CTTNBP2NL: variants seen among roughly 807,000 people sequenced by gnomAD.
CTTNBP2NL encodes CTTNBP2 N-terminal like.
In CTTNBP2NL, 16 loss-of-function variants were observed where a neutral mutation model predicts 32.5. The observed-to-expected ratio is 0.49, with a 90% CI of 0.33 to 0.75. CTTNBP2NL has a LOEUF of 0.75. CTTNBP2NL is among the 30% of genes least tolerant of loss of function. The pLI, the probability that CTTNBP2NL is intolerant of heterozygous loss-of-function variation, is 0.02. For synonymous variants in CTTNBP2NL, 298 were observed against 289.4 expected, an observed-to-expected ratio of 1.03 and a Z score of -0.30; for missense variants, 645 against 756.0, an observed-to-expected ratio of 0.85 and a Z score of 1.72.
chr1:112,404,980 G>A (rs1375833908), intron 1 of CTTNBP2NL, among the ~76,000 whole-genome samples: 1 of 146,352 alleles, frequency 6.8e-6, no homozygotes, highest in Admixed American at 6.9e-5. Context: ...GAACCAGGAG[G>A]CGGAGGTTGC....
rs759162317 is a variant in CTTNBP2NL at position 112,454,570 on chromosome 1, A to C, written c.438+14A>C. 1 of 1,531,368 alleles carries C rather than the reference A, an allele frequency of 6.5e-7. No homozygotes were observed. 94.9% of individuals were successfully genotyped at this position (1,531,368 alleles called of 1,614,324 possible). A position where few individuals can be genotyped will look rare whatever the true frequency, so the allele number is the denominator to read the frequency against. ...CTGACTCAACAGGTAATTAAGGTAG[A>C]GGGATTCACAGTAGCATTTGCCTGG... On this transcript the variant is annotated intron_variant, in intron 5 of 5. Transcript: ENST00000271277.
At chr1:112,445,297 A>C (rs1160033618) in intron 3 of CTTNBP2NL, among the ~76,000 whole-genome samples, 1 of 152,112 alleles carries the variant, frequency 6.6e-6, no homozygotes, top group Non-Finnish European at 1.5e-5. Context: ...TAGGCTGCCT[A>C]CTTTGGGGGT....
chr1:112,416,104 G>A, intron 2 of CTTNBP2NL, 53 bp from the exon 3 acceptor site: 1 of 909,504 alleles, frequency 1.1e-6, no homozygotes, highest in Non-Finnish European at 1.8e-6. Flanking sequence ...TTCTTTAATT[G>A]TATCAAATTA....
chr1:112,447,144 G>A (rs948543615), intron 3 of CTTNBP2NL, among the ~76,000 whole-genome samples: 11 of 151,818 alleles, frequency 7.2e-5, no homozygotes, highest in African/African-American at 2.7e-4. Flanking sequence ...CGTGGTGGTG[G>A]GCACCTGTAG....
intron 4 of CTTNBP2NL, among the ~76,000 whole-genome samples, 176 bp downstream of exon 4, chr1:112,449,348 G>A (rs1273186439): frequency 1.6e-5 from 1 of 63,014 alleles, no homozygotes; most frequent in Non-Finnish European, 4.4e-5. Context: ...ACAGCTTATT[G>A]CAAATGTTAA....
At chr1:112,445,366 A>C (rs897221663) in intron 3 of CTTNBP2NL, among the ~76,000 whole-genome samples, 5 of 151,966 alleles carry the variant, frequency 3.3e-5, no homozygotes, top group Non-Finnish European at 5.9e-5. Context: ...TTCATTCTTC[A>C]AATCTTAATA....
intron 3 of CTTNBP2NL, among the ~76,000 whole-genome samples, chr1:112,430,675 T>C (rs914582821): frequency 2.7e-5 from 4 of 149,718 alleles, no homozygotes; most frequent in Non-Finnish European, 1.5e-5. Flanking sequence ...CGCCTCAGCC[T>C]CCCGAATAGC....
intron 3 of CTTNBP2NL, among the ~76,000 whole-genome samples, chr1:112,419,989 C>G (rs1023557711): frequency 3.3e-5 from 5 of 152,120 alleles, no homozygotes; most frequent in African/African-American, 1.2e-4. Context: ...TGTCTAGTTC[C>G]CAACTGGGAT....
rs186151786 is a variant in CTTNBP2NL at position 112,414,195 on chromosome 1, G to A, written c.-10+1878G>A. Among the ~76,000 whole-genome samples the A allele has an allele frequency of 9.9e-5, 15 of 152,068 alleles. No homozygotes were observed. The East Asian group carries it at 1.4e-3, about 14-fold the overall frequency. On this transcript the variant is annotated intron_variant, in intron 2 of 5. Coordinates refer to ENST00000271277, the MANE Select transcript of CTTNBP2NL (RefSeq NM_018704.3). Reference sequence around the variant, plus strand: ...AGCCTTGCCAACATGGTGAAACCCCGTCTCTACTAAAATACAAAAATTAGC... The same window carrying A: ...AGCCTTGCCAACATGGTGAAACCCCATCTCTACTAAAATACAAAAATTAGC...
intron 3 of CTTNBP2NL, among the ~76,000 whole-genome samples, chr1:112,423,166 A>G (rs1450343895): frequency 1.3e-5 from 2 of 151,914 alleles, no homozygotes; most frequent in East Asian, 3.9e-4. Flanking sequence ...TTGTTTTCTC[A>G]TTATTTAGTT....
At chr1:112,431,382 A>G (rs534276364) in intron 3 of CTTNBP2NL, among the ~76,000 whole-genome samples, 2 of 152,356 alleles carry the variant, frequency 1.3e-5, no homozygotes, top group South Asian at 4.1e-4. Flanking sequence ...AAACTAAAAC[A>G]TATCATTTAG....
At chr1:112,447,371 A>G (rs1650083272) in intron 3 of CTTNBP2NL, among the ~76,000 whole-genome samples, 2 of 151,806 alleles carry the variant, frequency 1.3e-5, no homozygotes, top group Non-Finnish European at 2.9e-5. Context: ...ACAACACACC[A>G]TAAGGCTAGA....
intron 3 of CTTNBP2NL, among the ~76,000 whole-genome samples, chr1:112,438,094 T>C (rs1383314642): frequency 6.6e-6 from 1 of 152,234 alleles, no homozygotes; most frequent in Non-Finnish European, 1.5e-5. Flanking sequence ...GGGTTTTACA[T>C]TTAAGTCTGT....
At chr1:112,406,756 A>G (rs531195256) in intron 1 of CTTNBP2NL, among the ~76,000 whole-genome samples, 1 of 152,358 alleles carries the variant, frequency 6.6e-6, no homozygotes, top group Non-Finnish European at 1.5e-5. Flanking sequence ...CTGATAGTAT[A>G]TCATAATTAA....
chr1:112,433,076 A>T (rs897170064), intron 3 of CTTNBP2NL, among the ~76,000 whole-genome samples: 4 of 151,842 alleles, frequency 2.6e-5, no homozygotes, highest in African/African-American at 9.7e-5. Context: ...ATTCCTCTTA[A>T]ATCTGATATC....
At chr1:112,419,091 C>T (rs1036894074) in intron 3 of CTTNBP2NL, among the ~76,000 whole-genome samples, 6 of 152,132 alleles carry the variant, frequency 3.9e-5, no homozygotes, top group Admixed American at 1.3e-4. Flanking sequence ...GTCTTGAATT[C>T]GTTTCCATTG....
upstream of CTTNBP2NL, chr1:112,396,119 C>T (rs1354531962): frequency 6.6e-6 from 1 of 152,284 alleles, no homozygotes; most frequent in Non-Finnish European, 1.5e-5. Flanking sequence ...CGCCTCCAGC[C>T]GGCGCGGATT....
chr1:112,450,662 G>A (rs1166650862), intron 4 of CTTNBP2NL, among the ~76,000 whole-genome samples: 1 of 152,134 alleles, frequency 6.6e-6, no homozygotes, highest in Non-Finnish European at 1.5e-5. Flanking sequence ...TAGGTGATTG[G>A]AGAGAGGAAG....
chr1:112,426,227 TA>T (rs1649392843), intron 3 of CTTNBP2NL, among the ~76,000 whole-genome samples: 1 of 152,142 alleles, frequency 6.6e-6, no homozygotes, highest in African/African-American at 2.4e-5. Flanking sequence ...CTGTACCCAT[TA>T]AAAGCATAAA....
Sources: allele counts gnomAD v4.1 joint callset (sites outside exome capture counted in the v4.1 genomes callset), GRCh38; gene constraint gnomAD v4.1.1; transcripts MANE v1.5; gene names NCBI Gene and HGNC (gene_info 2026-07-23, HGNC 2026-07-21).